The following EML6 variants were observed in gnomAD, a reference collection of about 807,000 sequenced individuals.
EML6 encodes EMAP like 6.
Under a neutral mutation model 240.1 loss-of-function variants are expected in EML6, and 154 were observed. That is an observed-to-expected ratio of 0.64 (90% CI 0.56 to 0.73). The LOEUF is 0.73. Ranked by LOEUF, EML6 falls within the 30% of genes least tolerant of loss-of-function variation. The probability of loss-of-function intolerance (pLI) is 0.00; values close to 1 mark genes in which losing one functional copy is unlikely to be tolerated. For missense variants in EML6, 2,964 were observed against 2,474.6 expected, an observed-to-expected ratio of 1.20 and a Z score of -4.20; for synonymous variants, 1,148 against 899.0, an observed-to-expected ratio of 1.28 and a Z score of -4.95.
intron 24 of EML6, among the ~76,000 whole-genome samples, chr2:54,907,323 A>C (rs528484839): frequency 6.6e-6 from 1 of 152,174 alleles, no homozygotes; most frequent in South Asian, 2.1e-4. Flanking sequence ...CCTGGCCAAA[A>C]TGGTGAAACC....
chr2:54,921,131 G>C (rs1573145806), intron 26 of EML6, among the ~76,000 whole-genome samples: 2 of 151,916 alleles, frequency 1.3e-5, no homozygotes. Context: ...AAGCAAAAGA[G>C]AGAAAAGGCA....
chr2:54,751,404 G>C (rs954449213), intron 2 of EML6, among the ~76,000 whole-genome samples: 3 of 152,040 alleles, frequency 2.0e-5, no homozygotes, highest in Admixed American at 1.3e-4. Context: ...GATTCCCTTT[G>C]AATACTGAGC....
At position 54,725,267 on chromosome 2, in the gene EML6, G is replaced by C; in HGVS notation, c.197+9G>C. The C allele has an allele frequency of 4.2e-6, 6 of 1,412,216 alleles. No individual in the cohort carries two copies. Among genetic ancestry groups the C allele is most frequent in the Non-Finnish European group, 5.6e-6 (6 of 1,071,564 alleles). 87.5% of individuals were successfully genotyped at this position (1,412,216 alleles called of 1,614,324 possible). A position where few individuals can be genotyped will look rare whatever the true frequency, so the allele number is the denominator to read the frequency against. ...AACGACGACATTATCAGGTAAGGGG[G>C]TGGCCAGGGGCGGCGGGGAGGGGTT... On this transcript the variant is annotated intron_variant, in intron 2 of 41. Transcript: ENST00000356458. The surrounding 1 kb of genome is among the most constrained non-coding windows in gnomAD (Gnocchi z 4.3).
intron 24 of EML6, among the ~76,000 whole-genome samples, chr2:54,904,511 A>G (rs1017496943): frequency 2.6e-5 from 4 of 152,164 alleles, no homozygotes; most frequent in African/African-American, 9.7e-5. Context: ...TGATCTTGAG[A>G]GATAAGGAGA....
chr2:54,968,597 G>A (rs1420520396), intron 40 of EML6, 71 bp from the exon 41 acceptor site: 2 of 880,936 alleles, frequency 2.3e-6, no homozygotes, highest in East Asian at 2.6e-5. Context: ...GGATTTGAGT[G>A]CTGGAAGTAG....
At chr2:54,748,163 A>T (rs1684003484) in intron 2 of EML6, among the ~76,000 whole-genome samples, 1 of 152,202 alleles carries the variant, frequency 6.6e-6, no homozygotes, top group Non-Finnish European at 1.5e-5. Context: ...GAAAAAATAA[A>T]CTGTAAGAGA....
chr2:54,806,455 A>G (rs1198922576), intron 2 of EML6, among the ~76,000 whole-genome samples: 1 of 151,870 alleles, frequency 6.6e-6, no homozygotes, highest in African/African-American at 2.4e-5. Flanking sequence ...TCTACTAAAA[A>G]TATAGAAAAT....
rs938790426 is a variant in EML6 at position 54,960,162 on chromosome 2, G to A, written c.4854-58G>A. 19 of 1,237,754 alleles carry A rather than the reference G, an allele frequency of 1.5e-5. No homozygotes were observed. The East Asian group carries it at 2.8e-4, about 18-fold the overall frequency. 76.7% of individuals were successfully genotyped at this position (1,237,754 alleles called of 1,614,324 possible). On this transcript the variant is annotated intron_variant, in intron 34 of 41. Transcript: ENST00000356458. ...TGGGAAAGAGGGGAGAGGGCCGGAG[G>A]GGGTAGTGGGTCTTAGGATGAGGGT...
At chr2:54,941,204 A>G (rs1023411458) in intron 28 of EML6, among the ~76,000 whole-genome samples, 3 of 152,202 alleles carry the variant, frequency 2.0e-5, no homozygotes, top group African/African-American at 7.2e-5. Context: ...ATAGTGGTCA[A>G]ATTGGTATCA....
At position 54,970,479 on chromosome 2, in the gene EML6, G is replaced by A. The variant is rs939035520; in HGVS notation, c.*384G>A. The A allele has an allele frequency of 9.1e-6, 2 of 220,682 alleles. No homozygotes were observed. The highest frequency in any genetic ancestry group is 1.8e-5 in the Non-Finnish European group (2 of 108,838). The allele number at this position is 220,682 out of a possible 1,614,324, so 13.7% of individuals were successfully genotyped here. A position where few individuals can be genotyped will look rare whatever the true frequency, so the allele number is the denominator to read the frequency against. On this transcript the variant is annotated 3_prime_UTR_variant, in exon 42 of 42. Transcript: ENST00000356458. Reference sequence around the variant, plus strand: ...ATCAAAACTTTTACAAAGATGTTTTGCTATTGTTTCTATATACTTCAAGAA... The same window carrying A: ...ATCAAAACTTTTACAAAGATGTTTTACTATTGTTTCTATATACTTCAAGAA...
At chr2:54,777,141 A>T (rs1191062734) in intron 2 of EML6, among the ~76,000 whole-genome samples, 1 of 152,104 alleles carries the variant, frequency 6.6e-6, no homozygotes, top group African/African-American at 2.4e-5. Context: ...ACCTACTGAT[A>T]TTTGACCTCA....
Position 54,950,925 on chromosome 2 carries a change from G to A in EML6, c.4213+146G>A, listed in dbSNP as rs140910447. ...TCCAGCATGGTCTCAGTTAGGCCTGGTAACGCTCAGGTTCAGTTACCAGAG... is the reference window on the plus strand; with the variant it reads ...TCCAGCATGGTCTCAGTTAGGCCTGATAACGCTCAGGTTCAGTTACCAGAG... On this transcript the variant is annotated intron_variant, in intron 30 of 41. Coordinates refer to ENST00000356458, the MANE Select transcript of EML6 (RefSeq NM_001039753.4). The A allele has an allele frequency of 1.1e-4, 93 of 881,532 alleles. No individual in the cohort carries two copies. The East Asian group carries it at 2.5e-3, about 23-fold the overall frequency. 54.6% of individuals were successfully genotyped at this position (881,532 alleles called of 1,614,324 possible). A position where few individuals can be genotyped will look rare whatever the true frequency, so the allele number is the denominator to read the frequency against.
intron 28 of EML6, among the ~76,000 whole-genome samples, chr2:54,945,253 T>A (rs1196769069): frequency 3.3e-4 from 1 of 3,054 alleles, no homozygotes; most frequent in African/African-American, 1.3e-3. Context: ...CCTCTCTCTC[T>A]CCCTCCCCCT....
chr2:54,930,431 A>G (rs557125641), intron 28 of EML6, among the ~76,000 whole-genome samples: 1 of 152,320 alleles, frequency 6.6e-6, no homozygotes, highest in South Asian at 2.1e-4. Context: ...TCATTTTAAA[A>G]TTCAGAATTT....
intron 2 of EML6, among the ~76,000 whole-genome samples, chr2:54,757,145 TC>T (rs1667770744): frequency 6.6e-6 from 1 of 152,148 alleles, no homozygotes; most frequent in Non-Finnish European, 1.5e-5. Flanking sequence ...ATTATGTCCC[TC>T]CCTTATGTCT....
At chr2:54,961,946 G>A (rs1369198538) in intron 35 of EML6, among the ~76,000 whole-genome samples, 1 of 151,734 alleles carries the variant, frequency 6.6e-6, no homozygotes, top group Non-Finnish European at 1.5e-5. Context: ...AGAGGTTGCA[G>A]TGAGCCAAGA....
Position 54,869,270 on chromosome 2 carries a change from A to G in EML6, c.2141A>G (p.Asn714Ser), listed in dbSNP as rs1427957837. The G allele has an allele frequency of 2.4e-5, 37 of 1,551,230 alleles. No homozygotes were observed. In the Middle Eastern group the frequency reaches 1.0e-3, roughly 42 times the overall value. ...ATTGCTGCAGTTGCTGTCGTGTATA[A>G]TCGGCAGCAGCACTCCCAGAGGCTG... ...YHIAAVAVVYNRQQHSQRLYL... is the reference protein window; with the variant it reads ...YHIAAVAVVYSRQQHSQRLYL... The change falls in exon 15 of 42, where the codon AAT (asparagine) becomes AGT (serine). Residue 714 changes from asparagine to serine, a missense_variant. Physicochemically the swap from Asn to Ser is conservative, Grantham distance 46. Transcript: ENST00000356458.
chr2:54,917,728 G>A (rs188488890), intron 26 of EML6, among the ~76,000 whole-genome samples: 25 of 152,136 alleles, frequency 1.6e-4, no homozygotes, highest in Admixed American at 9.8e-4. Flanking sequence ...TCTAACAGCC[G>A]TCATCTGTAG....
At chr2:54,968,086 C>A in intron 39 of EML6, 42 bp from the exon 40 acceptor site, 3 of 1,541,892 alleles carry the variant, frequency 1.9e-6, no homozygotes, top group Non-Finnish European at 2.6e-6. Flanking sequence ...GAGCCTTCGC[C>A]GTGACTTCCT....
Sources: gnomAD v4.1 joint callset for allele counts (sites outside exome capture counted in the v4.1 genomes callset) on GRCh38, gnomAD v4.1.1 for gene constraint, Gnocchi (gnomAD v3.1) non-coding constraint, MANE v1.5 for transcripts, NCBI Gene and HGNC (gene_info 2026-07-23, HGNC 2026-07-21) for gene names.